The following FMN2 variants were observed in gnomAD, a reference collection of about 807,000 sequenced individuals.
FMN2 encodes formin-2.
FMN2 carries 51 observed loss-of-function variants against 142.3 expected under a neutral mutation model. The ratio of observed to expected loss-of-function variants is 0.36; its 90% CI spans 0.29 to 0.45. FMN2 has a LOEUF of 0.45. Among genes scored for constraint, FMN2 ranks in the 20% least tolerant of loss-of-function variants. The probability of loss-of-function intolerance (pLI) is 1.00; values close to 1 mark genes in which losing one functional copy is unlikely to be tolerated. For missense variants in FMN2, 1,936 were observed against 2,122.8 expected (o/e 0.91, Z 1.73); for synonymous variants, 882 against 869.8 (o/e 1.01, Z -0.25).
intron 15 of FMN2, among the ~76,000 whole-genome samples, chr1:240,411,627 GTTGT>G (rs1163333800): frequency 8.2e-6 from 1 of 122,482 alleles, no homozygotes; most frequent in Non-Finnish European, 1.8e-5. Context: ...TGTTTGATCT[GTTGT>G]TTTTTTTTTT....
chr1:240,398,514 A>C (rs778863391), intron 15 of FMN2, among the ~76,000 whole-genome samples: 1 of 152,218 alleles, frequency 6.6e-6, no homozygotes, highest in African/African-American at 2.4e-5. Flanking sequence ...TTAGTAAAAG[A>C]GCCATCTTTT....
At chr1:240,465,424 T>TA (rs1472247148) in intron 16 of FMN2, among the ~76,000 whole-genome samples, 10 of 151,430 alleles carry the variant, frequency 6.6e-5, no homozygotes, top group Middle Eastern at 3.2e-3. Context: ...TACTTTTGGG[T>TA]AAAAAAGCTT....
intron 16 of FMN2, among the ~76,000 whole-genome samples, chr1:240,440,187 A>G (rs1372250346): frequency 6.6e-6 from 1 of 152,064 alleles, no homozygotes; most frequent in Non-Finnish European, 1.5e-5. Flanking sequence ...GATGCTGGAC[A>G]CCCTCCCTGT....
At chr1:240,183,013 C>T (rs1308504764) in intron 3 of FMN2, among the ~76,000 whole-genome samples, 1 of 151,616 alleles carries the variant, frequency 6.6e-6, no homozygotes, top group Non-Finnish European at 1.5e-5. Flanking sequence ...GTCACCCGAG[C>T]TCAAGTGATC....
intron 7 of FMN2, among the ~76,000 whole-genome samples, chr1:240,271,433 A>C (rs1359252786): frequency 8.2e-6 from 1 of 121,694 alleles, no homozygotes. Flanking sequence ...TTTTTTTTTT[A>C]ATGAAACTCA....
chr1:240,276,752 T>A (rs1669226540), intron 7 of FMN2, among the ~76,000 whole-genome samples: 1 of 152,152 alleles, frequency 6.6e-6, no homozygotes, highest in Non-Finnish European at 1.5e-5. Flanking sequence ...CAAGATTATA[T>A]ACTGCTTGAA....
At chr1:240,379,810 C>T (rs973864944) in intron 14 of FMN2, among the ~76,000 whole-genome samples, 2 of 151,984 alleles carry the variant, frequency 1.3e-5, no homozygotes, top group African/African-American at 4.8e-5. Context: ...CAAAACAAAA[C>T]GTTGGTTTCT....
chr1:240,170,106 A>G, intron 2 of FMN2: 1 of 609,728 alleles, frequency 1.6e-6, no homozygotes, highest in African/African-American at 1.8e-5. Flanking sequence ...CCTCTCAGAC[A>G]GTAATAATCT....
rs868577057 is a variant in FMN2, at chr1:240,441,169, A to G, written c.5060+2959A>G. On this transcript the variant is annotated intron_variant, in intron 16 of 17. Transcript: ENST00000319653. ...GCCTCCATGCCCGGCTAATTTTTGT[A>G]TTTTTAGTAGAGATGGGGTTTCACC... Among the ~76,000 whole-genome samples the G allele has an allele frequency of 3.3e-5, 5 of 151,808 alleles. No homozygotes were observed. The South Asian group carries it at 1.0e-3, about 32-fold the overall frequency.
chr1:240,137,790 G>A (rs553118935), intron 2 of FMN2, among the ~76,000 whole-genome samples: 9 of 152,026 alleles, frequency 5.9e-5, no homozygotes, highest in East Asian at 3.9e-4. Context: ...CAGAAGAGGC[G>A]TCTTAACAAA....
intron 6 of FMN2, among the ~76,000 whole-genome samples, chr1:240,219,691 G>A (rs1051598124): frequency 8.6e-5 from 13 of 151,660 alleles, no homozygotes; most frequent in Admixed American, 7.2e-4. Context: ...GTCTCACTCT[G>A]TCTCCCAGGC....
At chr1:240,137,513 G>GTT (rs1662993606) in intron 2 of FMN2, among the ~76,000 whole-genome samples, 1 of 152,202 alleles carries the variant, frequency 6.6e-6, no homozygotes, top group Non-Finnish European at 1.5e-5. Flanking sequence ...CTATACTCAT[G>GTT]TAATACATAG....
chr1:240,265,549 T>A (rs999575953), intron 7 of FMN2, among the ~76,000 whole-genome samples: 5 of 152,206 alleles, frequency 3.3e-5, no homozygotes, highest in African/African-American at 1.2e-4. Flanking sequence ...AGTGACTGAG[T>A]CAGCTGGCAC....
intron 15 of FMN2, among the ~76,000 whole-genome samples, chr1:240,400,480 A>G (rs1558472049): frequency 6.6e-6 from 1 of 152,214 alleles, no homozygotes; most frequent in African/African-American, 2.4e-5. Flanking sequence ...CAGCCGAGTT[A>G]ACTGCTTCTA....
chr1:240,220,372 G>T (rs1030298763), intron 6 of FMN2, among the ~76,000 whole-genome samples: 2 of 152,092 alleles, frequency 1.3e-5, no homozygotes, highest in African/African-American at 4.8e-5. Context: ...TATGTCTATG[G>T]CTATGATTTT....
chr1:240,465,563 C>A (rs1277643870), intron 16 of FMN2, among the ~76,000 whole-genome samples: 1 of 152,104 alleles, frequency 6.6e-6, no homozygotes, highest in Non-Finnish European at 1.5e-5. Flanking sequence ...GAACCTCAGA[C>A]CTGTGACATC....
chr1:240,207,669 A>G lies in FMN2; in HGVS notation c.2857A>G (p.Ile953Val). The G allele has an allele frequency of 1.4e-6, 2 of 1,439,036 alleles. No homozygotes were observed. Among genetic ancestry groups the G allele is most frequent in the South Asian group, 2.4e-5 (2 of 83,724 alleles). 89.1% of individuals were successfully genotyped at this position (1,439,036 alleles called of 1,614,324 possible). A position where few individuals can be genotyped will look rare whatever the true frequency, so the allele number is the denominator to read the frequency against. Reference protein sequence around the residue: ...PPPPPLPGAAIPPPPPLPGAG... With the variant: ...PPPPPLPGAAVPPPPPLPGAG... ...TCCGCCCCCTCTACCCGGAGCGGCA[A>G]TACCCCCTCCGCCCCCTCTTCCCGG... Residue 953 changes from isoleucine (I) to valine (V), a missense_variant, in exon 5 of 18, where the codon ATA (isoleucine) becomes GTA (valine). By Grantham distance (29) the Ile-to-Val change is conservative. This residue lies in a region of FMN2 where 63 missense variants were observed against 86.3 expected (regional missense o/e 0.73). Transcript: ENST00000319653.
chr1:240,354,952 G>A (rs575051398), intron 13 of FMN2, among the ~76,000 whole-genome samples: 41 of 151,864 alleles, frequency 2.7e-4, no homozygotes, highest in African/African-American at 9.4e-4. Flanking sequence ...TACTGGCTCC[G>A]GTTTCTTGCT....
chr1:240,093,583 C>G lies in FMN2; in HGVS notation c.1474C>G (p.Arg492Gly). ...SADWTEELGARTPRVGGSAHL... is the reference protein window; with the variant it reads ...SADWTEELGAGTPRVGGSAHL... Reference sequence around the variant, plus strand: ...TGACTGGACGGAGGAGCTAGGCGCCCGCACGCCCCGGGTGGGAGGCTCCGC... The same window carrying G: ...TGACTGGACGGAGGAGCTAGGCGCCGGCACGCCCCGGGTGGGAGGCTCCGC... Residue 492 changes from arginine to glycine, a missense_variant, in exon 1 of 18, where the codon CGC (arginine) becomes GGC (glycine). Physicochemically the swap from Arg to Gly is moderately radical, Grantham distance 125. Coordinates refer to ENST00000319653, the MANE Select transcript of FMN2 (RefSeq NM_020066.5). The G allele has an allele frequency of 6.9e-7, 1 of 1,445,984 alleles. No individual in the cohort carries two copies. Among genetic ancestry groups the G allele is most frequent in the African/African-American group, 1.5e-5 (1 of 67,008 alleles). 89.6% of individuals were successfully genotyped at this position (1,445,984 alleles called of 1,614,324 possible).
Sources: allele counts gnomAD v4.1 joint callset (sites outside exome capture counted in the v4.1 genomes callset), GRCh38; gene constraint gnomAD v4.1.1; regional missense constraint gnomAD v4.1.1; transcripts MANE v1.5; gene names NCBI Gene and HGNC (gene_info 2026-07-23, HGNC 2026-07-21).